LIMS2: variants seen among roughly 807,000 people sequenced by gnomAD.
The protein encoded by LIMS2 is LIM zinc finger domain containing 2, also known as LIM and senescent cell antigen-like-containing domain protein 2.
In LIMS2, 30 loss-of-function variants were observed where a neutral mutation model predicts 45.3. The observed-to-expected ratio is 0.66, with a 90% CI of 0.50 to 0.90. The LOEUF is 0.90. LIMS2 is among the 40% of genes least tolerant of loss of function. The probability of loss-of-function intolerance (pLI) is 0.00; values close to 1 mark genes in which losing one functional copy is unlikely to be tolerated. For synonymous variants in LIMS2, 173 were observed against 188.0 expected (o/e 0.92, Z 0.65); for missense variants, 485 against 468.7 (o/e 1.03, Z -0.32).
rs996182701 is a variant in LIMS2, at chr2:127,647,152, C to T, written c.360-4080G>A. Reference sequence around the variant, plus strand: ...GGCCCTGAGCCCAGTAACACTCTGCCGTCACTGTCCTGAAACTCTTCCTTT... The same window carrying T: ...GGCCCTGAGCCCAGTAACACTCTGCTGTCACTGTCCTGAAACTCTTCCTTT... On this transcript the variant is annotated intron_variant, in intron 4 of 9. Coordinates refer to ENST00000355119, the MANE Select transcript of LIMS2 (RefSeq NM_001161403.3). This position sits in a 1 kb window ranked among gnomAD's most constrained non-coding sequence, Gnocchi z 4.3. Among the ~76,000 whole-genome samples, 1 of 152,176 alleles carries T rather than the reference C, an allele frequency of 6.6e-6. No homozygotes were observed. Among genetic ancestry groups the T allele is most frequent in the African/African-American group, 2.4e-5 (1 of 41,442 alleles).
chr2:127,652,008 C>T, intron 4 of LIMS2: 1 of 546,710 alleles, frequency 1.8e-6, no homozygotes, highest in Non-Finnish European at 3.3e-6. Flanking sequence ...TCATCTGTGG[C>T]AGGGAGAGAG....
upstream of LIMS2, among the ~76,000 whole-genome samples, chr2:127,678,528 G>A (rs947277298): frequency 3.3e-5 from 5 of 152,196 alleles, no homozygotes; most frequent in African/African-American, 1.2e-4. The surrounding 1 kb of genome is among the most constrained non-coding windows in gnomAD (Gnocchi z 5.3). Context: ...GCGTCCAGGA[G>A]GGACTGGTGC....
Position 127,642,160 on chromosome 2 carries a change from C to T in LIMS2, c.549G>A (p.Glu183=), listed in dbSNP as rs779273341. 25 of 1,587,680 alleles carry T rather than the reference C, an allele frequency of 1.6e-5. No individual in the cohort carries two copies. In the East Asian group the frequency reaches 5.5e-4, roughly 35 times the overall value. ...LTAEARELKG[E]LYCLPCHDKM... The stretch of plus-strand genomic sequence containing the variant: ...TGTCATGGCAGGGCAGGCAGTAGAG[C>T]TCACCCTTCAGCTCGCGGGCCTCGG... The change falls in exon 6 of 10, where the codon GAG becomes GAA. Residue 183 remains glutamate (E), a synonymous_variant. Coordinates refer to ENST00000355119, the MANE Select transcript of LIMS2 (RefSeq NM_001161403.3). The surrounding 1 kb of genome is among the most constrained non-coding windows in gnomAD (Gnocchi z 5.3).
At chr2:127,643,822 G>A (rs888550541) in intron 4 of LIMS2, among the ~76,000 whole-genome samples, 3 of 152,200 alleles carry the variant, frequency 2.0e-5, no homozygotes, top group South Asian at 2.1e-4. Context: ...CCTGCCACCC[G>A]AATCTCTCTC....
At chr2:127,658,718 T>C (rs928185176) in intron 1 of LIMS2, among the ~76,000 whole-genome samples, 1 of 152,068 alleles carries the variant, frequency 6.6e-6, no homozygotes, top group African/African-American at 2.4e-5. Flanking sequence ...AGGGAGAACG[T>C]GGGTTCTGTC....
At chr2:127,665,279 ATCT>A (rs540580195) in intron 1 of LIMS2, among the ~76,000 whole-genome samples, 1 of 152,190 alleles carries the variant, frequency 6.6e-6, no homozygotes, top group Non-Finnish European at 1.5e-5. Flanking sequence ...CTTGAGCAGT[ATCT>A]TCTTCTGCCT....
chr2:127,639,323 G>A lies in LIMS2; in HGVS notation c.984C>T (p.Ser328=), dbSNP rs777589476. The A allele has an allele frequency of 2.5e-6, 4 of 1,613,950 alleles. No homozygotes were observed. The highest frequency in any genetic ancestry group is 2.2e-5 in the South Asian group (2 of 91,088). The stretch of plus-strand genomic sequence containing the variant: ...CTGTGGCCTTGGGCTGGGCCTTGCG[G>A]GAGGTCAGCTCCGACAGCTTCTTCA... ...KRLKKLSELT[S]RKAQPKATDL... Residue 328 remains serine (S), a synonymous_variant, in exon 10 of 10, where the codon TCC becomes TCT. Coordinates refer to ENST00000355119, the MANE Select transcript of LIMS2 (RefSeq NM_001161403.3).
At chr2:127,678,305 G>A (rs13393572), upstream of LIMS2, among the ~76,000 whole-genome samples, 5,333 of 152,212 alleles carry the variant, frequency 0.035, 148 homozygotes, top group Middle Eastern at 0.088. This position sits in a 1 kb window ranked among gnomAD's most constrained non-coding sequence, Gnocchi z 5.3. Flanking sequence ...AACTCAAGAT[G>A]GGGAGATGGG....
chr2:127,642,069 C>A lies in LIMS2; in HGVS notation c.640G>T (p.Gly214Cys), dbSNP rs963061250. 19 of 1,611,346 alleles carry A rather than the reference C, an allele frequency of 1.2e-5. No individual in the cohort carries two copies. The highest frequency in any genetic ancestry group is 1.5e-5 in the Non-Finnish European group (18 of 1,179,158). The change falls in exon 6 of 10, where the codon GGC (glycine) becomes TGC (cysteine). Residue 214 changes from glycine to cysteine, a missense_variant. By Grantham distance (159) the Gly-to-Cys change is radical. Coordinates refer to ENST00000355119, the MANE Select transcript of LIMS2 (RefSeq NM_001161403.3). The surrounding 1 kb of genome is among the most constrained non-coding windows in gnomAD (Gnocchi z 5.3). ...PIEGRVVNAL[G>C]KQWHVEHFVC... Reference sequence around the variant, plus strand: ...CTCACCTCCACGTGCCACTGCTTGCCCAGCGCGTTGACCACTCGGCCCTCG... The same window carrying A: ...CTCACCTCCACGTGCCACTGCTTGCACAGCGCGTTGACCACTCGGCCCTCG...
At chr2:127,654,693 C>T (rs1410710461) in intron 3 of LIMS2, 137 bp downstream of exon 3, 46 of 1,468,236 alleles carry the variant, frequency 3.1e-5, no homozygotes, top group Middle Eastern at 1.8e-4. Context: ...GGGGGCCTGA[C>T]GGCTGCCGCT....
At chr2:127,655,177 GGTCCGGAGAACAGGCT>G in intron 2 of LIMS2, 1 of 551,132 alleles carries the variant, frequency 1.8e-6, no homozygotes, top group Admixed American at 3.1e-5. Flanking sequence ...GGACCCTGTT[GGTCCGGAGAACAGGCT>G]GGGGGCGAGG....
chr2:127,649,161 AAGGT>A (rs1460771697), intron 4 of LIMS2, among the ~76,000 whole-genome samples: 1 of 137,564 alleles, frequency 7.3e-6, no homozygotes, highest in South Asian at 2.4e-4. Context: ...GAGAGAGAGG[AAGGT>A]AGGAAGGAAG....
chr2:127,648,073 G>A (rs1207540329), intron 4 of LIMS2: 30 of 985,456 alleles, frequency 3.0e-5, no homozygotes, highest in African/African-American at 5.2e-5. Flanking sequence ...CGCCCTCACC[G>A]TGGTTTTAGC....
chr2:127,649,247 G>A (rs1683437974), intron 4 of LIMS2, among the ~76,000 whole-genome samples: 1 of 146,442 alleles, frequency 6.8e-6, no homozygotes. Context: ...TTTGCTGCAG[G>A]CAGGACCCCG....
At chr2:127,680,177 C>T (rs1038347027), upstream of LIMS2, among the ~76,000 whole-genome samples, 1 of 152,242 alleles carries the variant, frequency 6.6e-6, no homozygotes, top group African/African-American at 2.4e-5. Context: ...ACCTGCACAG[C>T]CGGAGCCCTC....
In LIMS2 at chr2:127,653,111, G is replaced by C. The variant is rs1683966792; in HGVS notation, c.359+1313C>G. Among the ~76,000 whole-genome samples the C allele has an allele frequency of 6.6e-6, 1 of 152,178 alleles. No homozygotes were observed. Among genetic ancestry groups the C allele is most frequent in the African/African-American group, 2.4e-5 (1 of 41,444 alleles). On this transcript the variant is annotated intron_variant, in intron 4 of 9. Transcript: ENST00000355119. This position sits in a 1 kb window ranked among gnomAD's most constrained non-coding sequence, Gnocchi z 5.3. ...ATTTAGACAAGCTGCTCAATGCCAGGCACCGCCCAGCTCCGAGGACAGTGG... is the reference window on the plus strand; with the variant it reads ...ATTTAGACAAGCTGCTCAATGCCAGCCACCGCCCAGCTCCGAGGACAGTGG...
At chr2:127,651,439 G>A (rs148246717) in intron 4 of LIMS2, 761 of 1,612,650 alleles carry the variant, frequency 4.7e-4, no homozygotes, top group Admixed American at 7.0e-4. Flanking sequence ...AAGGCAGTGC[G>A]CATGATCGCC....
intron 4 of LIMS2, chr2:127,651,068 C>T (rs1460742612): frequency 6.2e-7 from 1 of 1,613,698 alleles, no homozygotes; most frequent in African/African-American, 1.3e-5. Context: ...GCTTCCTCTT[C>T]TACCTCAACA....
In LIMS2 at chr2:127,642,007, C is replaced by T. The variant is rs754863177; in HGVS notation, c.660+42G>A. On this transcript the variant is annotated intron_variant, in intron 6 of 9. Transcript: ENST00000355119. This position sits in a 1 kb window ranked among gnomAD's most constrained non-coding sequence, Gnocchi z 5.3. ...CTCTTACCATGACCCTGAGCTGGGG[C>T]ACCCCCCAACCTGAGGCCACGTGTC... 4.4e-6 allele frequency: 7 copies of T among 1,596,258 alleles called. No individual in the cohort carries two copies. The South Asian group carries it at 5.7e-5, about 13-fold the overall frequency.
Sources: allele counts gnomAD v4.1 joint callset (sites outside exome capture counted in the v4.1 genomes callset), GRCh38; gene constraint gnomAD v4.1.1; non-coding constraint Gnocchi (gnomAD v3.1); transcripts MANE v1.5; gene names NCBI Gene and HGNC (gene_info 2026-07-23, HGNC 2026-07-21).